DHX36: variants seen among roughly 807,000 people sequenced by gnomAD.
The protein encoded by DHX36 is ATP-dependent DNA/RNA helicase DHX36.
In DHX36, 50 loss-of-function variants were observed where a neutral mutation model predicts 139.0. That is an observed-to-expected ratio of 0.36 (90% CI 0.29 to 0.46). The LOEUF is 0.46. Among genes scored for constraint, DHX36 ranks in the 20% least tolerant of loss-of-function variants. The probability of loss-of-function intolerance (pLI) is 1.00; values close to 1 mark genes in which losing one functional copy is unlikely to be tolerated. For missense variants in DHX36, 1,024 were observed against 1,211.3 expected (o/e 0.85, Z 2.29); for synonymous variants, 425 against 401.9 (o/e 1.06, Z -0.69).
chr3:154,323,317 A>G (rs1045538059), intron 1 of DHX36, among the ~76,000 whole-genome samples: 2 of 152,142 alleles, frequency 1.3e-5, no homozygotes, highest in African/African-American at 4.8e-5. Context: ...CCTGGGCGAC[A>G]GAGTGAGACC....
chr3:154,322,532 T>C (rs1184018779), intron 1 of DHX36, among the ~76,000 whole-genome samples: 1 of 152,126 alleles, frequency 6.6e-6, no homozygotes, highest in African/African-American at 2.4e-5. Flanking sequence ...TTTGCTGAAA[T>C]GAAGGGGAAG....
At chr3:154,286,558 C>T (rs1224588901) in intron 17 of DHX36, among the ~76,000 whole-genome samples, 1 of 151,018 alleles carries the variant, frequency 6.6e-6, no homozygotes, top group African/African-American at 2.4e-5. Context: ...TATTTGAAAT[C>T]TAAATTTTAA....
At chr3:154,295,683 T>C (rs886760659) in intron 12 of DHX36, among the ~76,000 whole-genome samples, 1 of 152,190 alleles carries the variant, frequency 6.6e-6, no homozygotes, top group Non-Finnish European at 1.5e-5. Flanking sequence ...TGCTCAAAAG[T>C]TGGGAGTAAT....
intron 4 of DHX36, 52 bp downstream of exon 4, chr3:154,311,584 A>C: frequency 6.7e-7 from 1 of 1,491,830 alleles, no homozygotes; most frequent in Non-Finnish European, 9.1e-7. Context: ...TTTAAAAAAA[A>C]TTGTGTATTT....
intron 24 of DHX36, 84 bp from the exon 25 acceptor site, chr3:154,276,440 C>T (rs1364062465): frequency 7.8e-7 from 1 of 1,285,938 alleles, no homozygotes; most frequent in Non-Finnish European, 1.1e-6. Flanking sequence ...TTACCTGATA[C>T]AAGGAGTTTC....
Position 154,274,545 on chromosome 3 carries a change from T to C in DHX36, c.*1626A>G, listed in dbSNP as rs1237543219. ...GTCCGTGTCTCCTTGTGATCATTAG[T>C]TGGCTGCAGCAGTTCCAACTATCAG... On this transcript the variant is annotated 3_prime_UTR_variant, in exon 25 of 25. Coordinates refer to ENST00000496811, the MANE Select transcript of DHX36 (RefSeq NM_020865.3). 2 of 152,240 alleles carry C rather than the reference T, an allele frequency of 1.3e-5. No individual in the cohort carries two copies. Among genetic ancestry groups the C allele is most frequent in the Non-Finnish European group, 2.9e-5 (2 of 68,108 alleles). 9.4% of individuals were successfully genotyped at this position (152,240 alleles called of 1,614,324 possible). A position where few individuals can be genotyped will look rare whatever the true frequency, so the allele number is the denominator to read the frequency against.
chr3:154,293,872 G>A lies in DHX36; in HGVS notation c.1606-60C>T, dbSNP rs529676910. ...CACTAACTTCTAATACATTATATTT[G>A]TAATTAGAGGAATTACCTCAGATAC... On this transcript the variant is annotated intron_variant, in intron 13 of 24. Transcript: ENST00000496811. 1.1e-5 allele frequency: 14 copies of A among 1,225,406 alleles called. No individual in the cohort carries two copies. In the South Asian group the frequency reaches 1.4e-4, roughly 12 times the overall value. The allele number at this position is 1,225,406 out of a possible 1,614,324, so 75.9% of individuals were successfully genotyped here.
chr3:154,314,017 C>T (rs1712867076), intron 3 of DHX36, among the ~76,000 whole-genome samples: 1 of 152,166 alleles, frequency 6.6e-6, no homozygotes. Context: ...ATGTTTTACA[C>T]ATTTTTCTTT....
At chr3:154,291,682 T>G (rs969495468) in intron 15 of DHX36, among the ~76,000 whole-genome samples, 4 of 152,122 alleles carry the variant, frequency 2.6e-5, no homozygotes, top group African/African-American at 4.8e-5. Flanking sequence ...AAACGAGGGG[T>G]TGATAAATGG....
At chr3:154,305,374 TATA>T in intron 6 of DHX36, 3 of 487,058 alleles carry the variant, frequency 6.2e-6, no homozygotes, top group South Asian at 6.4e-5. Flanking sequence ...TTGTCATTGA[TATA>T]ATGTTAATTT....
intron 17 of DHX36, among the ~76,000 whole-genome samples, chr3:154,287,567 T>C (rs1056555819): frequency 2.0e-5 from 3 of 151,928 alleles, no homozygotes; most frequent in Non-Finnish European, 4.4e-5. Context: ...GGAGAATCGC[T>C]TGAATCTGGG....
rs760771744 is a variant in DHX36 at position 154,304,786 on chromosome 3, T to C, written c.1135+20A>G. On this transcript the variant is annotated intron_variant, in intron 8 of 24. Transcript: ENST00000496811. ...TTTTCTAGTACCTTTTCTAATGTAA[T>C]AACTATACATTTTACTCACCAAAAT... 41 of 1,498,460 alleles carry C rather than the reference T, an allele frequency of 2.7e-5. No homozygotes were observed. Among genetic ancestry groups the C allele is most frequent in the Non-Finnish European group, 2.6e-5 (29 of 1,121,568 alleles). 92.8% of individuals were successfully genotyped at this position (1,498,460 alleles called of 1,614,324 possible).
At chr3:154,286,144 CG>C (rs1222698745) in intron 17 of DHX36, among the ~76,000 whole-genome samples, 1 of 93,410 alleles carries the variant, frequency 1.1e-5, no homozygotes, top group Non-Finnish European at 2.0e-5. Flanking sequence ...GTAAACTTAA[CG>C]TAATAAGAGC....
intron 12 of DHX36, among the ~76,000 whole-genome samples, chr3:154,299,107 A>G (rs529138038): frequency 1.3e-5 from 2 of 151,966 alleles, no homozygotes; most frequent in South Asian, 4.2e-4. Flanking sequence ...CCCCATCTCT[A>G]CTAAAAATGC....
intron 3 of DHX36, among the ~76,000 whole-genome samples, chr3:154,313,425 A>G (rs1712845699): frequency 6.6e-6 from 1 of 152,182 alleles, no homozygotes; most frequent in African/African-American, 2.4e-5. Flanking sequence ...CACTCCCATA[A>G]TTACAGAATT....
Position 154,277,625 on chromosome 3 carries a change from G to A in DHX36, c.2661C>T (p.Ile887=). ...EQTDFHYNWL[I]YHLKMRTSSI... ...TGCTTGTTCTCATCTTTAGGTGATA[G>A]ATAAGCCAGTTGTAGTGAAAGTCTG... The change falls in exon 23 of 25, where the codon ATC becomes ATT. Residue 887 remains isoleucine, a synonymous_variant. Coordinates refer to ENST00000496811, the MANE Select transcript of DHX36 (RefSeq NM_020865.3). 1.9e-6 allele frequency: 3 copies of A among 1,612,028 alleles called. No individual in the cohort carries two copies. Among genetic ancestry groups the A allele is most frequent in the Non-Finnish European group, 2.5e-6 (3 of 1,178,700 alleles).
chr3:154,321,685 G>A (rs1447564839), intron 1 of DHX36, among the ~76,000 whole-genome samples: 2 of 152,238 alleles, frequency 1.3e-5, no homozygotes, highest in Admixed American at 6.5e-5. Flanking sequence ...TCAGCCAGGC[G>A]CCATGGCTCA....
chr3:154,318,036 G>T (rs1052225152), intron 1 of DHX36, among the ~76,000 whole-genome samples: 2 of 152,102 alleles, frequency 1.3e-5, no homozygotes, highest in Admixed American at 1.3e-4. Flanking sequence ...GGGTAGAGGA[G>T]TATGTGTCCC....
intron 3 of DHX36, chr3:154,312,061 T>C (rs924623712): frequency 6.4e-6 from 1 of 155,674 alleles, no homozygotes; most frequent in African/African-American, 2.4e-5. Context: ...TACTAATACA[T>C]TAAGTACTGG....
Sources: gnomAD v4.1 joint callset for allele counts (sites outside exome capture counted in the v4.1 genomes callset) on GRCh38, gnomAD v4.1.1 for gene constraint, MANE v1.5 for transcripts, NCBI Gene and HGNC (gene_info 2026-07-23, HGNC 2026-07-21) for gene names.